The following KDM5A variants were observed in gnomAD, a reference collection of about 807,000 sequenced individuals.
KDM5A encodes the protein lysine-specific demethylase 5A.
A neutral mutation model predicts 193.5 loss-of-function variants in KDM5A; 42 were observed. The observed-to-expected ratio is 0.22, with a 90% confidence interval of 0.17 to 0.28. KDM5A has a LOEUF of 0.28. Among genes scored for constraint, KDM5A ranks in the 10% least tolerant of loss-of-function variants. The probability of loss-of-function intolerance (pLI) is 1.00; values close to 1 mark genes in which losing one functional copy is unlikely to be tolerated. For missense variants in KDM5A, 1,692 were observed against 2,055.1 expected (o/e 0.82, Z 3.42); for synonymous variants, 796 against 718.1 (o/e 1.11, Z -1.73).
intron 19 of KDM5A, among the ~76,000 whole-genome samples, chr12:315,262 C>T (rs1216900582): frequency 6.6e-6 from 1 of 152,088 alleles, no homozygotes; most frequent in Non-Finnish European, 1.5e-5. Flanking sequence ...ACACCTATCG[C>T]AAAAAAGTCC....
At chr12:305,067 T>C in intron 24 of KDM5A, among the ~76,000 whole-genome samples, 1 of 152,176 alleles carries the variant, frequency 6.6e-6, no homozygotes, top group Non-Finnish European at 1.5e-5. Flanking sequence ...TATAAGCTAG[T>C]GTACCTTTCA....
At chr12:388,579 C>A (rs2137506638) in intron 1 of KDM5A, 1 of 387,534 alleles carries the variant, frequency 2.6e-6, no homozygotes, top group East Asian at 6.1e-5. Context: ...AGATAGCCGA[C>A]TATCAAACCA....
At chr12:340,207 A>G (rs910135530) in intron 10 of KDM5A, among the ~76,000 whole-genome samples, 1 of 152,096 alleles carries the variant, frequency 6.6e-6, no homozygotes, top group Non-Finnish European at 1.5e-5. Flanking sequence ...GTTGGGTTAT[A>G]AAAGACATTG....
In KDM5A at chr12:291,485, A is replaced by G. The variant is rs1287127518; in HGVS notation, c.4866+1274T>C. 3.3e-5 allele frequency among the ~76,000 whole-genome samples: 5 copies of G among 152,300 alleles called. No individual in the cohort carries two copies. The East Asian group carries it at 9.6e-4, about 29-fold the overall frequency. On this transcript the variant is annotated intron_variant, in intron 27 of 27. Coordinates refer to ENST00000399788, the MANE Select transcript of KDM5A (RefSeq NM_001042603.3). ...TAACTAGCTCTGTAACTTTGGTCAC[A>G]TAATTACCTTCCCTGAGTCCTGGTT...
intron 10 of KDM5A, among the ~76,000 whole-genome samples, chr12:347,319 G>A (rs12312010): frequency 0.07 from 10,707 of 152,164 alleles, 844 homozygotes; most frequent in East Asian, 0.35. Context: ...TCAATATAGT[G>A]AAAATGGCCA....
intron 19 of KDM5A, among the ~76,000 whole-genome samples, chr12:316,486 T>C (rs1943652113): frequency 6.6e-6 from 1 of 152,232 alleles, no homozygotes; most frequent in South Asian, 2.1e-4. Flanking sequence ...AAGAGAGATA[T>C]GAAAGACATG....
chr12:349,312 G>C (rs150096158), intron 10 of KDM5A, among the ~76,000 whole-genome samples: 2 of 144,880 alleles, frequency 1.4e-5, no homozygotes, highest in African/African-American at 5.1e-5. Context: ...GAGCCCCCGC[G>C]CCCAGCCATC....
At chr12:306,079 C>T (rs1943503702) in intron 24 of KDM5A, among the ~76,000 whole-genome samples, 1 of 148,686 alleles carries the variant, frequency 6.7e-6, no homozygotes, top group Non-Finnish European at 1.5e-5. Flanking sequence ...CAAAGCAATC[C>T]TCCCACTTCA....
intron 13 of KDM5A, among the ~76,000 whole-genome samples, chr12:330,085 G>GTGTGTGTGTATATATATATA (rs377271333): frequency 2.5e-3 from 348 of 139,350 alleles, no homozygotes; most frequent in African/African-American, 8.7e-3. Context: ...GTGTGTGTGT[G>GTGTGTGTGTATATATATATA]TATATATATA....
At chr12:310,026 A>AGGCCGGGCGCGGTGGCTC in intron 21 of KDM5A, 62 bp from the exon 22 acceptor site, 25 of 1,548,246 alleles carry the variant, frequency 1.6e-5, no homozygotes, top group Non-Finnish European at 2.2e-5. Flanking sequence ...AAGTAAAAAT[A>AGGCCGGGCGCGGTGGCTC]ATAAAGGAAC....
intron 10 of KDM5A, among the ~76,000 whole-genome samples, 157 bp from the exon 11 acceptor site, chr12:334,579 T>C (rs146200050): frequency 4.5e-4 from 69 of 152,358 alleles, no homozygotes; most frequent in Non-Finnish European, 1.2e-4. Context: ...GTAACTCATA[T>C]AACTAAACAT....
At chr12:311,565 A>G (rs944543873) in intron 20 of KDM5A, among the ~76,000 whole-genome samples, 4 of 152,232 alleles carry the variant, frequency 2.6e-5, no homozygotes, top group Non-Finnish European at 2.9e-5. Flanking sequence ...TAAATAAAAC[A>G]GCCAATTAAA....
At chr12:365,822 CT>C in intron 4 of KDM5A, 111 bp downstream of exon 4, 1 of 917,528 alleles carries the variant, frequency 1.1e-6, no homozygotes, top group Non-Finnish European at 1.8e-6. Context: ...ATGATATACA[CT>C]TTGCTTCCCC....
chr12:385,361 A>G (rs1474959067), intron 2 of KDM5A, among the ~76,000 whole-genome samples: 1 of 151,996 alleles, frequency 6.6e-6, no homozygotes, highest in Admixed American at 6.6e-5. Context: ...AAAACAGCAA[A>G]ACGTACACTT....
rs1591891855 is a variant in KDM5A at position 283,564 on chromosome 12, T to C, written c.*1892A>G. 2 of 233,180 alleles carry C rather than the reference T, an allele frequency of 8.6e-6. No individual in the cohort carries two copies. Among genetic ancestry groups the C allele is most frequent in the East Asian group, 1.2e-4 (2 of 16,478 alleles). 14.4% of individuals were successfully genotyped at this position (233,180 alleles called of 1,614,324 possible). A position where few individuals can be genotyped will look rare whatever the true frequency, so the allele number is the denominator to read the frequency against. Reference sequence around the variant, plus strand: ...AGAAAACATCTTTTTTTTTGTAAGATTCCTTTTGAGTTAAATCTCATACCC... The same window carrying C: ...AGAAAACATCTTTTTTTTTGTAAGACTCCTTTTGAGTTAAATCTCATACCC... On this transcript the variant is annotated 3_prime_UTR_variant, in exon 28 of 28. Transcript: ENST00000399788.
intron 8 of KDM5A, among the ~76,000 whole-genome samples, 161 bp from the exon 9 acceptor site, chr12:352,485 G>A (rs967763074): frequency 3.9e-5 from 6 of 152,170 alleles, no homozygotes; most frequent in African/African-American, 1.4e-4. Flanking sequence ...ACCGTATCAG[G>A]AAGTTATTTT....
chr12:309,622 A>C (rs189067319), intron 22 of KDM5A, among the ~76,000 whole-genome samples, 181 bp downstream of exon 22: 161 of 152,372 alleles, frequency 1.1e-3, no homozygotes, highest in Non-Finnish European at 2.1e-3. Flanking sequence ...AAAAGAGCAG[A>C]ATACTAAACT....
At position 329,060 on chromosome 12, in the gene KDM5A, C is replaced by T. The variant is rs184330452; in HGVS notation, c.1774-31G>A. ...AATGAGATTTCCAAATTAAATAACT[C>T]GCTTATAACATATCCCAGCACAGAA... On this transcript the variant is annotated intron_variant, in intron 13 of 27. Transcript: ENST00000399788. The T allele has an allele frequency of 5.0e-5, 80 of 1,589,312 alleles. No individual in the cohort carries two copies. In the Admixed American group the frequency reaches 1.2e-3, roughly 24 times the overall value.
intron 13 of KDM5A, 115 bp from the exon 14 acceptor site, chr12:329,144 A>G (rs531665179): frequency 2.4e-6 from 2 of 839,608 alleles, no homozygotes; most frequent in African/African-American, 1.7e-5. Flanking sequence ...TACCAAATCC[A>G]TTTAAATATA....
Sources: allele counts gnomAD v4.1 joint callset (sites outside exome capture counted in the v4.1 genomes callset), GRCh38; gene constraint gnomAD v4.1.1; transcripts MANE v1.5; gene names NCBI Gene and HGNC (gene_info 2026-07-23, HGNC 2026-07-21).